Variants in DTNA observed in about 807,000 individuals in gnomAD.
The protein encoded by DTNA is dystrobrevin alpha.
A neutral mutation model predicts 100.7 loss-of-function variants in DTNA; 43 were observed. That is an observed-to-expected ratio of 0.43 (90% CI 0.33 to 0.55). DTNA has a LOEUF of 0.55. DTNA is among the 20% of genes least tolerant of loss of function. The probability of loss-of-function intolerance (pLI) is 0.04; values close to 1 mark genes in which losing one functional copy is unlikely to be tolerated. For synonymous variants in DTNA, 349 were observed against 347.9 expected, an observed-to-expected ratio of 1.00 and a Z score of -0.04; for missense variants, 798 against 953.9, an observed-to-expected ratio of 0.84 and a Z score of 2.15.
intron 1 of DTNA, among the ~76,000 whole-genome samples, chr18:34,622,745 C>T (rs1297729795): frequency 2.6e-5 from 4 of 152,164 alleles, no homozygotes; most frequent in African/African-American, 4.8e-5. Flanking sequence ...CGTTATTCCT[C>T]GTGCCCCTCT....
At position 34,541,751 on chromosome 18, in the gene DTNA, G is replaced by A. The variant is rs555578612; in HGVS notation, c.-2+48237G>A. Among the ~76,000 whole-genome samples the A allele has an allele frequency of 5.3e-5, 8 of 152,180 alleles. 1 individual carries two copies. The highest frequency in any genetic ancestry group is 4.1e-4 in the South Asian group (2 of 4,826). On this transcript the variant is annotated intron_variant, in intron 1 of 19. Coordinates refer to the DTNA transcript ENST00000283365. ...CAGACACAGAGGAACAGTCTAGGACGTATTAAATAGTGGGAGATAAAGTGA... is the reference window on the plus strand; with the variant it reads ...CAGACACAGAGGAACAGTCTAGGACATATTAAATAGTGGGAGATAAAGTGA...
At chr18:34,537,704 AC>A (rs1555796146) in intron 1 of DTNA, among the ~76,000 whole-genome samples, 3 of 151,994 alleles carry the variant, frequency 2.0e-5, no homozygotes, top group Non-Finnish European at 4.4e-5. Flanking sequence ...ATTAACAATA[AC>A]CTGGAACTAT....
intron 13 of DTNA, among the ~76,000 whole-genome samples, chr18:34,846,785 C>A (rs763882130): frequency 4.6e-5 from 7 of 152,104 alleles, no homozygotes; most frequent in Non-Finnish European, 8.8e-5. Context: ...CACTTCAGAA[C>A]AAAGGTTAAA....
At chr18:34,748,454 T>C (rs527248861) in intron 1 of DTNA, among the ~76,000 whole-genome samples, 4 of 152,320 alleles carry the variant, frequency 2.6e-5, no homozygotes, top group African/African-American at 7.2e-5. Context: ...TAGAGATAAG[T>C]CTTTGAGCCA....
At chr18:34,642,602 AG>A (rs1435084275) in intron 1 of DTNA, among the ~76,000 whole-genome samples, 2 of 147,630 alleles carry the variant, frequency 1.4e-5, no homozygotes, top group East Asian at 4.0e-4. Context: ...CTCTGTTGCC[AG>A]GCTGGAATGC....
chr18:34,675,310 G>A (rs1195822286), intron 1 of DTNA, among the ~76,000 whole-genome samples: 2 of 151,902 alleles, frequency 1.3e-5, no homozygotes, highest in Non-Finnish European at 2.9e-5. Context: ...CACCCTGATT[G>A]AGAACCACTG....
intron 1 of DTNA, among the ~76,000 whole-genome samples, chr18:34,512,124 G>C (rs2041150065): frequency 6.6e-6 from 1 of 151,956 alleles, no homozygotes; most frequent in Admixed American, 6.6e-5. Context: ...AATCCCAGAA[G>C]TCCCACTGGC....
At chr18:34,671,837 C>G (rs1487682870) in intron 1 of DTNA, among the ~76,000 whole-genome samples, 1 of 152,118 alleles carries the variant, frequency 6.6e-6, no homozygotes, top group Non-Finnish European at 1.5e-5. Context: ...CTGTATCAGT[C>G]TCTTAGAAGT....
chr18:34,871,166 C>G lies in DTNA; in HGVS notation c.1744-4073C>G, dbSNP rs192407849. Among the ~76,000 whole-genome samples, 53 of 152,314 alleles carry G rather than the reference C, an allele frequency of 3.5e-4. No individual in the cohort carries two copies. The East Asian group carries it at 8.9e-3, about 26-fold the overall frequency. ...GGGGATATATAATTCTCTGCTGTTT[C>G]ACCAGGGTGTCCTGATTCAACAATT... On this transcript the variant is annotated intron_variant, in intron 17 of 22. Coordinates refer to ENST00000444659, the MANE Select transcript of DTNA (RefSeq NM_001386795.1).
At chr18:34,874,232 G>A (rs1603330019) in intron 17 of DTNA, among the ~76,000 whole-genome samples, 1 of 152,178 alleles carries the variant, frequency 6.6e-6, no homozygotes, top group South Asian at 2.1e-4. Context: ...TGACTCTCTG[G>A]GCCTTGCTGG....
intron 4 of DTNA, among the ~76,000 whole-genome samples, chr18:34,802,728 CT>C (rs1247366013): frequency 6.6e-6 from 1 of 152,142 alleles, no homozygotes; most frequent in Non-Finnish European, 1.5e-5. Flanking sequence ...CTCACAGTCT[CT>C]ATAATTTATT....
At chr18:34,672,069 G>T (rs1021040002) in intron 1 of DTNA, among the ~76,000 whole-genome samples, 1 of 152,154 alleles carries the variant, frequency 6.6e-6, no homozygotes, top group African/African-American at 2.4e-5. Flanking sequence ...GGTATAATGA[G>T]ATGCAGGAGA....
At position 34,497,757 on chromosome 18, in the gene DTNA, A is replaced by G. The variant is rs140446009; in HGVS notation, c.-2+4243A>G. Among the ~76,000 whole-genome samples the G allele has an allele frequency of 7.9e-5, 12 of 152,264 alleles. No homozygotes were observed. In the East Asian group the frequency reaches 2.3e-3, roughly 29 times the overall value. On this transcript the variant is annotated intron_variant, in intron 1 of 19. Coordinates refer to the DTNA transcript ENST00000283365. Reference sequence around the variant, plus strand: ...TTTGCCCCATATTTTATACGTGAAAAATATACAAAACATGAAGATATGTGA... The same window carrying G: ...TTTGCCCCATATTTTATACGTGAAAGATATACAAAACATGAAGATATGTGA...
At position 34,860,229 on chromosome 18, in the gene DTNA, T is replaced by A. The variant is rs867297440; in HGVS notation, c.1646+1831T>A. ...GCCCGGCTAATTTTTTGTTTTTTTT[T>A]TTTTTTTTTTTTTTTTTTTTGGAGA... is the stretch of plus-strand genomic sequence containing the variant. On this transcript the variant is annotated intron_variant, in intron 16 of 22. Transcript: ENST00000444659. Among the ~76,000 whole-genome samples the A allele has an allele frequency of 1.6e-3, 218 of 132,244 alleles. 6 individuals carry two copies. Among genetic ancestry groups the A allele is most frequent in the African/African-American group, 5.8e-3 (191 of 33,126 alleles). The allele number at this position is 132,244 out of a possible 152,430, so 86.8% of individuals were successfully genotyped here.
At chr18:34,865,053 A>G (rs891360706) in intron 17 of DTNA, among the ~76,000 whole-genome samples, 4 of 152,234 alleles carry the variant, frequency 2.6e-5, no homozygotes, top group Non-Finnish European at 4.4e-5. Flanking sequence ...CCTGCCTGAT[A>G]TAAACAAGCA....
chr18:34,824,490 A>AT (rs1352915658), intron 9 of DTNA, among the ~76,000 whole-genome samples: 2 of 149,528 alleles, frequency 1.3e-5, no homozygotes, highest in Admixed American at 6.6e-5. Context: ...AAAAAAAAAA[A>AT]TTTTTTTTAC....
Position 34,884,755 on chromosome 18 carries a change from C to G in DTNA, c.*10C>G. 2.5e-6 allele frequency: 4 copies of G among 1,614,090 alleles called. No individual in the cohort carries two copies. Among genetic ancestry groups the G allele is most frequent in the Non-Finnish European group, 3.4e-6 (4 of 1,179,958 alleles). ...CAGCTTGCAAGGTTGAATGCAATAT[C>G]CTTTTATCACACTCCTCTCAAGTAA... On this transcript the variant is annotated 3_prime_UTR_variant, in exon 22 of 23. Transcript: ENST00000444659.
intron 1 of DTNA, among the ~76,000 whole-genome samples, chr18:34,630,185 T>C (rs1398996390): frequency 6.6e-6 from 1 of 152,124 alleles, no homozygotes; most frequent in East Asian, 1.9e-4. Context: ...ACTGCCATCA[T>C]CTTAAGTGAC....
chr18:34,678,963 G>C (rs570131834), intron 1 of DTNA, among the ~76,000 whole-genome samples: 2 of 151,952 alleles, frequency 1.3e-5, no homozygotes, highest in Non-Finnish European at 2.9e-5. Flanking sequence ...ACTCTTACAG[G>C]GTATCTACTA....
Sources: gnomAD v4.1 joint callset for allele counts (sites outside exome capture counted in the v4.1 genomes callset) on GRCh38, gnomAD v4.1.1 for gene constraint, MANE v1.5 for transcripts, NCBI Gene and HGNC (gene_info 2026-07-23, HGNC 2026-07-21) for gene names.